COQ6: variants seen among roughly 807,000 people sequenced by gnomAD.
The protein encoded by COQ6 is coenzyme Q6, monooxygenase, also known as ubiquinone biosynthesis monooxygenase COQ6, mitochondrial.
A neutral mutation model predicts 55.5 loss-of-function variants in COQ6; 45 were observed. The observed-to-expected ratio is 0.81, with a 90% CI of 0.64 to 1.04. The LOEUF is 1.04. COQ6 is among the 50% of genes least tolerant of loss of function. The pLI is 0.00. For synonymous variants in COQ6, 206 were observed against 230.5 expected (o/e 0.89, Z 0.96); for missense variants, 550 against 601.3 (o/e 0.91, Z 0.89).
At chr14:73,950,258 T>C (rs2056132416), upstream of COQ6, 6 of 1,538,672 alleles carry the variant, frequency 3.9e-6, no homozygotes, top group East Asian at 1.5e-4. Context: ...GGGACGGGAT[T>C]GGAGTGCTCT....
intron 4 of COQ6, chr14:73,956,135 T>C (rs182326604): frequency 3.1e-4 from 168 of 544,506 alleles, no homozygotes; most frequent in Admixed American, 1.3e-3. Flanking sequence ...CCATCCTGGC[T>C]AACATGGTGA....
rs758316108 is a variant in COQ6 at position 73,961,556 on chromosome 14, A to G, written c.1196A>G (p.Asn399Ser). 6.2e-6 allele frequency: 10 copies of G among 1,614,042 alleles called. No individual in the cohort carries two copies. Among genetic ancestry groups the G allele is most frequent in the East Asian group, 4.5e-5 (2 of 44,904 alleles). Residue 399 changes from asparagine to serine, a missense_variant, in exon 10 of 12, where the codon AAT becomes AGT. Physicochemically the swap from Asn to Ser is conservative, Grantham distance 46. Transcript: ENST00000334571. ...LAHHLSTAAF[N>S]GKDLGSVSHL... ...CATCACCTCAGTACGGCAGCCTTCA[A>G]TGGGAAGGACTTAGGTAAGGATTCA... is the stretch of plus-strand genomic sequence containing the variant.
At chr14:73,960,963 C>T in intron 8 of COQ6, 2 of 667,306 alleles carry the variant, frequency 3.0e-6, no homozygotes, top group Middle Eastern at 4.0e-4. Flanking sequence ...CAGGGGCCAG[C>T]TCATGTACAG....
Position 73,962,835 on chromosome 14 carries a change from A to G in COQ6, c.1378-135A>G, listed in dbSNP as rs2056810689. On this transcript the variant is annotated intron_variant, in intron 11 of 11. Transcript: ENST00000334571. ...CTGTCTCTAAAACGTGTGTATATGT[A>G]TGTATATTTTTCTTTTTTTAGCTGA... is the stretch of plus-strand genomic sequence containing the variant. 9 of 719,668 alleles carry G rather than the reference A, an allele frequency of 1.3e-5. No homozygotes were observed. In the South Asian group the frequency reaches 1.5e-4, roughly 12 times the overall value. 44.6% of individuals were successfully genotyped at this position (719,668 alleles called of 1,614,324 possible). A position where few individuals can be genotyped will look rare whatever the true frequency, so the allele number is the denominator to read the frequency against.
Position 73,958,194 on chromosome 14 carries a change from C to T in COQ6, c.529C>T (p.Pro177Ser), listed in dbSNP as rs1344238775. The change falls in exon 5 of 12, where the codon CCT (proline) becomes TCT (serine). Residue 177 changes from proline to serine, a missense_variant. Transcript: ENST00000334571. The part of the protein sequence containing the change: ...YRSKAIRYTW[P>S]CPFPMADSSP... ...GAGCAAAGCCATTCGCTATACCTGG[C>T]CTTGTCCATTTCCTATGGCCGACTC... 1 of 1,614,070 alleles carries T rather than the reference C, an allele frequency of 6.2e-7. No individual in the cohort carries two copies. The highest frequency in any genetic ancestry group is 1.1e-5 in the South Asian group (1 of 91,082).
Position 73,958,954 on chromosome 14 carries a change from C to T in COQ6, c.613-17C>T. 1 of 1,613,256 alleles carries T rather than the reference C, an allele frequency of 6.2e-7. No homozygotes were observed. The highest frequency in any genetic ancestry group is 8.5e-7 in the Non-Finnish European group (1 of 1,180,002). On this transcript the variant is annotated splice_polypyrimidine_tract_variant and intron_variant, in intron 5 of 11. Transcript: ENST00000334571. Reference sequence around the variant, plus strand: ...TGAAGAGGCTGGAAGACTTAGCAGGCTCATGTGTCCATGCAGATAGGTGCA... The same window carrying T: ...TGAAGAGGCTGGAAGACTTAGCAGGTTCATGTGTCCATGCAGATAGGTGCA...
chr14:73,954,959 T>A (rs188075790), intron 2 of COQ6, among the ~76,000 whole-genome samples: 4,433 of 136,276 alleles, frequency 0.033, 75 homozygotes, highest in African/African-American at 0.041. Flanking sequence ...ATTTTATTTT[T>A]TTTTTTTTTT....
chr14:73,961,950 C>T (rs754156967), intron 11 of COQ6, 47 bp downstream of exon 11: 12 of 1,607,232 alleles, frequency 7.5e-6, no homozygotes, highest in Admixed American at 1.7e-5. Context: ...CTCTTAATTT[C>T]TTTTGCTTTT....
intron 4 of COQ6, 57 bp from the exon 5 acceptor site, chr14:73,958,090 C>T (rs2056528083): frequency 1.4e-6 from 2 of 1,422,092 alleles, no homozygotes; most frequent in African/African-American, 1.4e-5. Flanking sequence ...ATGGCTTTTT[C>T]CTCAGCCTAT....
intron 5 of COQ6, chr14:73,958,656 G>C: frequency 7.7e-7 from 1 of 1,306,400 alleles, no homozygotes; most frequent in Non-Finnish European, 9.8e-7. Flanking sequence ...CCCTACATCA[G>C]AACTATTCAG....
chr14:73,956,777 A>G lies in COQ6; in HGVS notation c.481+849A>G, dbSNP rs149128658. On this transcript the variant is annotated intron_variant, in intron 4 of 11. Transcript: ENST00000334571. The stretch of plus-strand genomic sequence containing the variant: ...AATTTATCAGTTATGCGGCTTGCAA[A>G]TATCTTAATGTTCTAGAGAGAGAAA... 1.1e-3 allele frequency: 164 copies of G among 152,320 alleles called. 1 individual carries two copies. Among genetic ancestry groups the G allele is most frequent in the African/African-American group, 3.9e-3 (162 of 41,580 alleles). The allele number at this position is 152,320 out of a possible 1,614,324, so 9.4% of individuals were successfully genotyped here. A position where few individuals can be genotyped will look rare whatever the true frequency, so the allele number is the denominator to read the frequency against.
intron 5 of COQ6, 149 bp from the exon 6 acceptor site, chr14:73,958,822 C>A: frequency 6.5e-7 from 1 of 1,533,306 alleles, no homozygotes; most frequent in Non-Finnish European, 8.8e-7. Flanking sequence ...AGGGGCTCCA[C>A]CTCTAGGGGC....
At chr14:73,960,696 A>T in intron 8 of COQ6, 1 of 629,134 alleles carries the variant, frequency 1.6e-6, no homozygotes, top group Non-Finnish European at 2.1e-6. Context: ...CGTAAATGAC[A>T]ATCTCCGTAC....
chr14:73,950,011 G>T, upstream of COQ6: 1 of 1,612,870 alleles, frequency 6.2e-7, no homozygotes. Flanking sequence ...GCTCCCTCAG[G>T]CCTCCCCACG....
At chr14:73,950,180 G>T (rs1488094398), upstream of COQ6, 1 of 1,567,990 alleles carries the variant, frequency 6.4e-7, no homozygotes, top group Non-Finnish European at 8.6e-7. Context: ...GAGGAGGCAA[G>T]GTTCGTTTTC....
intron 8 of COQ6, 59 bp downstream of exon 8, chr14:73,959,581 G>GTTT (rs759810630): frequency 1.3e-5 from 18 of 1,404,514 alleles, no homozygotes; most frequent in Middle Eastern, 1.9e-4. Context: ...GAAAGGTGTT[G>GTTT]TTTTTTTTTT....
chr14:73,961,053 T>C (rs1204702750), intron 8 of COQ6, 120 bp from the exon 9 acceptor site: 7 of 1,133,458 alleles, frequency 6.2e-6, no homozygotes, highest in Admixed American at 4.0e-5. Context: ...TCAAGATCAG[T>C]GTAGGCAAGT....
Position 73,950,342 on chromosome 14 carries a change from C to G in COQ6, c.10C>G (p.Arg4Gly). ...GGCGCAGGTCTGCACCATGGCGGCCCGGCTTGTCAGCCGATGCGGGGCTGT... is the reference window on the plus strand; with the variant it reads ...GGCGCAGGTCTGCACCATGGCGGCCGGGCTTGTCAGCCGATGCGGGGCTGT... MAA[R>G]LVSRCGAVRA... The change falls in exon 1 of 12, where the codon CGG (arginine) becomes GGG (glycine). Residue 4 changes from arginine (R) to glycine (G), a missense_variant. Arg to Gly is a moderately radical substitution (Grantham distance 125). Transcript: ENST00000334571. 2 of 1,552,508 alleles carry G rather than the reference C, an allele frequency of 1.3e-6. No homozygotes were observed. The highest frequency in any genetic ancestry group is 1.7e-4 in the Middle Eastern group (1 of 6,006).
chr14:73,961,974 T>A, intron 11 of COQ6, 71 bp downstream of exon 11: 1 of 1,566,386 alleles, frequency 6.4e-7, no homozygotes, highest in Non-Finnish European at 8.8e-7. Flanking sequence ...TGAAACAGAG[T>A]CTTGGTCTTA....
Sources: gnomAD v4.1 joint callset for allele counts (sites outside exome capture counted in the v4.1 genomes callset) on GRCh38, gnomAD v4.1.1 for gene constraint, MANE v1.5 for transcripts, NCBI Gene and HGNC (gene_info 2026-07-23, HGNC 2026-07-21) for gene names.